The following FILIP1 variants were observed in gnomAD, a reference collection of about 807,000 sequenced individuals.
FILIP1 encodes the protein filamin-A-interacting protein 1.
Under a neutral mutation model 102.1 loss-of-function variants are expected in FILIP1, and 61 were observed. The ratio of observed to expected loss-of-function variants is 0.60; its 90% CI spans 0.49 to 0.74. The LOEUF is 0.74. FILIP1 is among the 30% of genes least tolerant of loss of function. FILIP1 has a pLI of 0.00. For missense variants in FILIP1, 1,314 were observed against 1,441.2 expected, an observed-to-expected ratio of 0.91 and a Z score of 1.43; for synonymous variants, 491 against 526.9, an observed-to-expected ratio of 0.93 and a Z score of 0.93.
At chr6:75,307,380 C>T (rs1773019643), downstream of FILIP1, among the ~76,000 whole-genome samples, 1 of 152,000 alleles carries the variant, frequency 6.6e-6, no homozygotes, top group South Asian at 2.1e-4. Flanking sequence ...AGGTGCTATC[C>T]ATATAATTTT....
Position 75,407,077 on chromosome 6 carries a change from C to A in FILIP1, c.276+7620G>T, listed in dbSNP as rs574048697. Among the ~76,000 whole-genome samples the A allele has an allele frequency of 1.5e-3, 221 of 152,178 alleles. 1 individual carries two copies. Among genetic ancestry groups the A allele is most frequent in the Non-Finnish European group, 2.7e-3 (181 of 68,010 alleles). On this transcript the variant is annotated intron_variant, in intron 2 of 5. Coordinates refer to ENST00000237172, the MANE Select transcript of FILIP1 (RefSeq NM_015687.5). ...AAAGAAGCACATATAGGAGGCTCAC[C>A]TATAGTAGGTGATGAAGAGGAAAAG...
At chr6:75,343,771 C>G (rs1774488904) in intron 4 of FILIP1, among the ~76,000 whole-genome samples, 1 of 152,150 alleles carries the variant, frequency 6.6e-6, no homozygotes, top group African/African-American at 2.4e-5. Flanking sequence ...GTTAAAAGAT[C>G]CAATTACTAT....
intron 4 of FILIP1, among the ~76,000 whole-genome samples, chr6:75,337,558 T>G (rs75109409): frequency 0.011 from 1,682 of 151,730 alleles, 37 homozygotes; most frequent in African/African-American, 0.039. Flanking sequence ...TTTTTTTTTT[T>G]GTAGCAGAGC....
At position 75,372,657 on chromosome 6, in the gene FILIP1, G is replaced by T. The variant is rs1400668207; in HGVS notation, c.277-9740C>A. 1.9e-4 allele frequency among the ~76,000 whole-genome samples: 11 copies of T among 58,504 alleles called. 1 individual carries two copies. 38.4% of individuals were successfully genotyped at this position (58,504 alleles called of 152,430 possible). ...AGAAAGAAAGAAAGAAAGAAAGAAA[G>T]AAAGAAAGAAAGAAAGAAAGAAAGA... On this transcript the variant is annotated intron_variant, in intron 2 of 5. Transcript: ENST00000237172.
At chr6:75,309,717 C>T (rs537879235) in intron 5 of FILIP1, among the ~76,000 whole-genome samples, 1 of 152,270 alleles carries the variant, frequency 6.6e-6, no homozygotes, top group East Asian at 1.9e-4. Flanking sequence ...CAGCTAGTCC[C>T]CCTAAAGTTT....
intron 4 of FILIP1, chr6:75,319,220 C>G: frequency 1.3e-6 from 1 of 751,820 alleles, no homozygotes; most frequent in Non-Finnish European, 2.4e-6. Context: ...TTCAGCTTCG[C>G]AGCCTTCTTT....
downstream of FILIP1, among the ~76,000 whole-genome samples, chr6:75,304,206 ATTTATTTATT>A (rs1772919114): frequency 6.6e-6 from 1 of 151,936 alleles, no homozygotes; most frequent in Non-Finnish European, 1.5e-5. Flanking sequence ...AATATTTATT[ATTTATTTATT>A]TTTATTTATT....
chr6:75,449,653 T>C (rs73461765), intron 1 of FILIP1, among the ~76,000 whole-genome samples: 3,135 of 151,992 alleles, frequency 0.021, 116 homozygotes, highest in African/African-American at 0.072. Context: ...AAACACAAAA[T>C]TGATGAAACC....
At chr6:75,322,613 T>C (rs1192722358) in intron 4 of FILIP1, among the ~76,000 whole-genome samples, 1 of 152,258 alleles carries the variant, frequency 6.6e-6, no homozygotes, top group East Asian at 1.9e-4. Context: ...AGTAAATGAA[T>C]TAATAGGTAT....
intron 6 of FILIP1, among the ~76,000 whole-genome samples, chr6:75,299,389 A>G (rs1170305203): frequency 6.6e-6 from 1 of 152,228 alleles, no homozygotes; most frequent in African/African-American, 2.4e-5. Flanking sequence ...CTTAATAGGC[A>G]GATTGGAACC....
At chr6:75,476,710 T>G (rs1180104896) in intron 1 of FILIP1, among the ~76,000 whole-genome samples, 1 of 152,204 alleles carries the variant, frequency 6.6e-6, no homozygotes, top group Non-Finnish European at 1.5e-5. Context: ...TGGCCTTTTC[T>G]TAGTATATTG....
At chr6:75,460,990 T>C (rs1779005673) in intron 1 of FILIP1, among the ~76,000 whole-genome samples, 1 of 152,160 alleles carries the variant, frequency 6.6e-6, no homozygotes, top group Admixed American at 6.5e-5. Flanking sequence ...GGTACATAAC[T>C]CAAGTAGGAT....
intron 1 of FILIP1, among the ~76,000 whole-genome samples, chr6:75,426,150 A>G (rs1031030832): frequency 2.6e-5 from 4 of 152,168 alleles, no homozygotes; most frequent in African/African-American, 9.6e-5. Flanking sequence ...TGTGACAGAA[A>G]TGATGAGTGT....
At chr6:75,376,109 A>G (rs1397428627) in intron 2 of FILIP1, among the ~76,000 whole-genome samples, 3 of 152,240 alleles carry the variant, frequency 2.0e-5, no homozygotes, top group Admixed American at 1.3e-4. Context: ...TAAGTTATCA[A>G]TTTTCTGATG....
chr6:75,407,172 T>C (rs913493656), intron 2 of FILIP1, among the ~76,000 whole-genome samples: 1 of 152,142 alleles, frequency 6.6e-6, no homozygotes, highest in Non-Finnish European at 1.5e-5. Flanking sequence ...AGTTAAGAAG[T>C]TACAGAATAG....
chr6:75,421,169 C>T (rs1189227466), intron 1 of FILIP1, among the ~76,000 whole-genome samples: 2 of 151,888 alleles, frequency 1.3e-5, no homozygotes, highest in South Asian at 2.1e-4. Context: ...CTGAAACACA[C>T]TAAAATAAAA....
At chr6:75,321,765 C>CA (rs1195305141) in intron 4 of FILIP1, among the ~76,000 whole-genome samples, 1 of 148,382 alleles carries the variant, frequency 6.7e-6, no homozygotes, top group Non-Finnish European at 1.5e-5. Context: ...CTGCAGTCCG[C>CA]AGTCCGACCT....
intron 4 of FILIP1, among the ~76,000 whole-genome samples, chr6:75,322,446 G>A (rs917863973): frequency 1.3e-5 from 2 of 151,886 alleles, no homozygotes; most frequent in African/African-American, 4.8e-5. Flanking sequence ...AGCATGAAAA[G>A]GAAACAAACC....
chr6:75,490,639 G>C (rs1268697650), intron 1 of FILIP1, among the ~76,000 whole-genome samples: 1 of 117,156 alleles, frequency 8.5e-6, no homozygotes, highest in Non-Finnish European at 1.9e-5. Flanking sequence ...CACAGGATTT[G>C]TGTGTGTGTG....
Sources: allele counts gnomAD v4.1 joint callset (sites outside exome capture counted in the v4.1 genomes callset), GRCh38; gene constraint gnomAD v4.1.1; transcripts MANE v1.5; gene names NCBI Gene and HGNC (gene_info 2026-07-23, HGNC 2026-07-21).